PSD3: variants seen among roughly 807,000 people sequenced by gnomAD.
PSD3 encodes pleckstrin and Sec7 domain containing 3, also known as PH and SEC7 domain-containing protein 3.
Under a neutral mutation model 105.5 loss-of-function variants are expected in PSD3, and 49 were observed. The ratio of observed to expected loss-of-function variants is 0.46; its 90% CI spans 0.37 to 0.59. PSD3 has a LOEUF of 0.59. Among genes scored for constraint, PSD3 ranks in the 20% least tolerant of loss-of-function variants. The pLI, the probability that PSD3 is intolerant of heterozygous loss-of-function variation, is 0.00. For synonymous variants in PSD3, 557 were observed against 457.8 expected (o/e 1.22, Z -2.77); for missense variants, 1,561 against 1,263.8 (o/e 1.24, Z -3.57).
At chr8:18,915,820 C>A (rs1160533579) in intron 2 of PSD3, among the ~76,000 whole-genome samples, 1 of 152,074 alleles carries the variant, frequency 6.6e-6, no homozygotes, top group Non-Finnish European at 1.5e-5. Flanking sequence ...ATAGGGCAGG[C>A]ATGGTGGATC....
chr8:18,676,136 T>C (rs538702399), intron 9 of PSD3, among the ~76,000 whole-genome samples: 1 of 152,340 alleles, frequency 6.6e-6, no homozygotes, highest in South Asian at 2.1e-4. Flanking sequence ...AGTTTTCTTT[T>C]TCCTTTCCCT....
At chr8:18,948,018 C>A (rs1051048021) in intron 1 of PSD3, among the ~76,000 whole-genome samples, 4 of 152,130 alleles carry the variant, frequency 2.6e-5, no homozygotes, top group African/African-American at 9.7e-5. Context: ...AATTAACAAC[C>A]GACTATTATG....
intron 9 of PSD3, among the ~76,000 whole-genome samples, chr8:18,706,996 G>C (rs192909692): frequency 3.6e-4 from 55 of 152,262 alleles, no homozygotes; most frequent in East Asian, 3.5e-3. Flanking sequence ...TTCTCATTTA[G>C]GAAATCAGGA....
intron 1 of PSD3, among the ~76,000 whole-genome samples, chr8:18,960,304 C>T (rs928244559): frequency 2.0e-5 from 3 of 152,108 alleles, no homozygotes; most frequent in Admixed American, 6.5e-5. Flanking sequence ...AAAGAGAACG[C>T]ATGACCAAAG....
At chr8:18,635,497 C>T (rs1308781212) in intron 10 of PSD3, among the ~76,000 whole-genome samples, 2 of 152,034 alleles carry the variant, frequency 1.3e-5, no homozygotes, top group African/African-American at 4.8e-5. Context: ...CCATACTATG[C>T]TTTTCAGTGT....
intron 4 of PSD3, among the ~76,000 whole-genome samples, chr8:18,830,346 A>T (rs964965418): frequency 2.6e-5 from 4 of 152,248 alleles, no homozygotes; most frequent in African/African-American, 9.6e-5. Flanking sequence ...GCTGTTGCTG[A>T]AATGTGCTCA....
At chr8:18,550,726 C>T (rs112499045) in intron 15 of PSD3, among the ~76,000 whole-genome samples, 1 of 152,118 alleles carries the variant, frequency 6.6e-6, no homozygotes, top group Non-Finnish European at 1.5e-5. Context: ...TTTGCACTAT[C>T]ATCAAGTTGA....
At chr8:18,690,670 T>C (rs1443885223) in intron 9 of PSD3, among the ~76,000 whole-genome samples, 4 of 152,214 alleles carry the variant, frequency 2.6e-5, no homozygotes, top group African/African-American at 9.7e-5. Context: ...ACCACCTTGA[T>C]GGACACACCA....
rs147368968 is a variant in PSD3 at position 18,727,241 on chromosome 8, G to A, written c.2172+38208C>T. On this transcript the variant is annotated intron_variant, in intron 9 of 15. Transcript: ENST00000327040. The stretch of plus-strand genomic sequence containing the variant: ...AATCCCAGCTACTCTAGAAGCTGAG[G>A]CAGGAGAATCGATTGAACCTGGGAG... Among the ~76,000 whole-genome samples, 794 of 151,092 alleles carry A rather than the reference G, an allele frequency of 5.3e-3. 10 individuals carry two copies. The highest frequency in any genetic ancestry group is 0.019 in the African/African-American group (772 of 41,042).
intron 10 of PSD3, among the ~76,000 whole-genome samples, chr8:18,652,728 C>T (rs955221196): frequency 6.6e-6 from 1 of 151,966 alleles, no homozygotes; most frequent in South Asian, 2.1e-4. Context: ...GAACTCCTGA[C>T]CTCAAGTGAT....
In PSD3 at chr8:18,632,632, T is replaced by G. The variant is rs767338093; in HGVS notation, c.2391A>C (p.Ala797=). The change falls in exon 11 of 16, where the codon GCA becomes GCC. Residue 797 remains alanine, a synonymous_variant. Coordinates refer to ENST00000327040, the MANE Select transcript of PSD3 (RefSeq NM_015310.4). The part of the protein sequence containing the change: ...KSGFLARKIH[A]DMDGKKTPRG... The stretch of plus-strand genomic sequence containing the variant: ...ACTTACTCTTCTTTCCATCCATATC[T>G]GCATGAATTTTCCGAGCCAAGAATC... 1.9e-6 allele frequency: 3 copies of G among 1,612,108 alleles called. No individual in the cohort carries two copies. Among genetic ancestry groups the G allele is most frequent in the Non-Finnish European group, 2.5e-6 (3 of 1,178,830 alleles).
intron 11 of PSD3, among the ~76,000 whole-genome samples, chr8:18,629,287 A>G (rs1395651744): frequency 6.6e-6 from 1 of 152,010 alleles, no homozygotes; most frequent in African/African-American, 2.4e-5. Flanking sequence ...GAAACTTTAG[A>G]AATTTCTTAA....
At chr8:18,792,782 T>C (rs1310334860) in intron 8 of PSD3, among the ~76,000 whole-genome samples, 1 of 152,116 alleles carries the variant, frequency 6.6e-6, no homozygotes, top group Non-Finnish European at 1.5e-5. Flanking sequence ...TCCTCAAGGA[T>C]CTGGAACTAG....
chr8:18,928,985 G>C (rs950497767), intron 2 of PSD3, among the ~76,000 whole-genome samples: 15 of 152,042 alleles, frequency 9.9e-5, no homozygotes, highest in Non-Finnish European at 2.1e-4. Flanking sequence ...CAAGTCTTTT[G>C]TTTTTAAGAT....
chr8:18,586,173 C>G (rs1379479387), intron 12 of PSD3, among the ~76,000 whole-genome samples: 1 of 152,134 alleles, frequency 6.6e-6, no homozygotes, highest in Non-Finnish European at 1.5e-5. Flanking sequence ...AATGCTTCAA[C>G]TTCCTGTAGG....
intron 9 of PSD3, among the ~76,000 whole-genome samples, chr8:18,760,045 A>T (rs1806387654): frequency 6.6e-6 from 1 of 151,468 alleles, no homozygotes; most frequent in Non-Finnish European, 1.5e-5. Context: ...GTAGAAATAA[A>T]ATTCAGGGAA....
intron 9 of PSD3, among the ~76,000 whole-genome samples, chr8:18,702,294 A>C (rs1271368404): frequency 1.3e-5 from 2 of 152,168 alleles, no homozygotes. Context: ...GTGATGGAGG[A>C]AATTTTTTGG....
intron 11 of PSD3, among the ~76,000 whole-genome samples, chr8:18,618,647 C>G (rs754289161): frequency 4.0e-5 from 6 of 151,886 alleles, no homozygotes; most frequent in African/African-American, 1.5e-4. Context: ...AGGTATTAGC[C>G]GTATTTGATT....
rs368478333 is a variant in PSD3, at chr8:18,580,124, ACT to A, written c.2482-4841_2482-4840del. On this transcript the variant is annotated intron_variant, in intron 12 of 15. Coordinates refer to ENST00000327040, the MANE Select transcript of PSD3 (RefSeq NM_015310.4). ...ATGTCTGATTAGGCGTCTTTCTAAA[ACT>A]CATTCAGCTTCGTCCTAATAACTAT... Among the ~76,000 whole-genome samples, 963 of 152,280 alleles carry A rather than the reference ACT, an allele frequency of 6.3e-3. 9 individuals carry two copies. Among genetic ancestry groups the A allele is most frequent in the African/African-American group, 0.021 (889 of 41,562 alleles).
Sources: allele counts gnomAD v4.1 joint callset (sites outside exome capture counted in the v4.1 genomes callset), GRCh38; gene constraint gnomAD v4.1.1; transcripts MANE v1.5; gene names NCBI Gene and HGNC (gene_info 2026-07-23, HGNC 2026-07-21).